The following PRL variants were observed in gnomAD, a reference collection of about 807,000 sequenced individuals.
PRL encodes prolactin.
In PRL, 24 loss-of-function variants were observed where a neutral mutation model predicts 21.3. The observed-to-expected ratio is 1.13, with a 90% CI of 0.82 to 1.59. The LOEUF (loss-of-function observed/expected upper bound fraction) is 1.59, where lower values mean the gene tolerates loss of function less well. Among genes scored for constraint, PRL ranks in the 40% most tolerant of loss-of-function variants. The pLI, the probability that PRL is intolerant of heterozygous loss-of-function variation, is 0.00. For missense variants in PRL, 243 were observed against 286.9 expected (o/e 0.85, Z 1.10); for synonymous variants, 118 against 115.7 (o/e 1.02, Z -0.13).
upstream of PRL, chr6:22,297,606 T>C (rs905581302): frequency 6.6e-6 from 1 of 152,482 alleles, no homozygotes; most frequent in Non-Finnish European, 1.5e-5. Flanking sequence ...CATTTTGTTT[T>C]GTCTTTTTAA....
upstream of PRL, among the ~76,000 whole-genome samples, chr6:22,299,061 A>G (rs914534112): frequency 6.6e-6 from 1 of 152,224 alleles, no homozygotes; most frequent in Non-Finnish European, 1.5e-5. Context: ...AAAGACATAT[A>G]TTATGCAAAA....
intron 2 of PRL, 102 bp from the exon 3 acceptor site, chr6:22,292,747 A>T (rs1205955): frequency 0.74 from 681,172 of 916,938 alleles, 253,963 homozygotes; most frequent in East Asian, 0.92. Flanking sequence ...GTGTAATTTT[A>T]AAAAATTAGA....
intron 3 of PRL, among the ~76,000 whole-genome samples, chr6:22,291,323 A>AT (rs536175264): frequency 1.1e-4 from 16 of 152,230 alleles, no homozygotes; most frequent in Non-Finnish European, 2.1e-4. Flanking sequence ...TTTGAATAGA[A>AT]TGAAGCCCAG....
intron 1 of PRL, among the ~76,000 whole-genome samples, chr6:22,295,421 G>A (rs1233999227): frequency 3.3e-5 from 5 of 152,172 alleles, no homozygotes; most frequent in African/African-American, 1.2e-4. Context: ...CTGCATCTGT[G>A]TAATGGGGGC....
Position 22,288,915 on chromosome 6 carries a change from T to C in PRL, c.492+1259A>G, listed in dbSNP as rs1019178125. On this transcript the variant is annotated intron_variant, in intron 4 of 4. Transcript: ENST00000306482. The surrounding 1 kb of genome is among the most constrained non-coding windows in gnomAD (Gnocchi z 4.5). ...GTGTGCGTGTGTGCGCGCGCGTGTG[T>C]GTGCGTGCGCGTGTGTGTGCATGTG... Among the ~76,000 whole-genome samples, 1 of 150,262 alleles carries C rather than the reference T, an allele frequency of 6.7e-6. No individual in the cohort carries two copies. The highest frequency in any genetic ancestry group is 2.5e-5 in the African/African-American group (1 of 40,624).
At chr6:22,291,693 CATA>C (rs1182617042) in intron 3 of PRL, among the ~76,000 whole-genome samples, 1 of 152,068 alleles carries the variant, frequency 6.6e-6, no homozygotes, top group Admixed American at 6.6e-5. Context: ...CTCTTATTAT[CATA>C]ATTATTATTA....
rs926550772 is a variant in PRL at position 22,288,877 on chromosome 6, C to T, written c.493-1284G>A. 6.6e-6 allele frequency among the ~76,000 whole-genome samples: 1 copy of T among 151,264 alleles called. No individual in the cohort carries two copies. Among genetic ancestry groups the T allele is most frequent in the African/African-American group, 2.4e-5 (1 of 41,078 alleles). ...AATTTAAAGTGTGTGTGTGTGTATG[C>T]GCGTGCGCGTGTGTGTGCGTGTGTG... On this transcript the variant is annotated intron_variant, in intron 4 of 4. Transcript: ENST00000306482. This position sits in a 1 kb window ranked among gnomAD's most constrained non-coding sequence, Gnocchi z 4.5.
intron 4 of PRL, among the ~76,000 whole-genome samples, chr6:22,289,960 T>C (rs1761010400): frequency 6.6e-6 from 1 of 152,112 alleles, no homozygotes; most frequent in African/African-American, 2.4e-5. Context: ...TGCGTGTAGG[T>C]GTAGGGAAAA....
rs976253974 is a variant in PRL at position 22,288,037 on chromosome 6, A to G, written c.493-444T>C. ...CTGCTTTGAACTCAATCTATTGCCT[A>G]TCTAGTGTATGTTCCAAAAACTTTA... On this transcript the variant is annotated intron_variant, in intron 4 of 4. Coordinates refer to ENST00000306482, the MANE Select transcript of PRL (RefSeq NM_000948.6). This position sits in a 1 kb window ranked among gnomAD's most constrained non-coding sequence, Gnocchi z 4.5. Among the ~76,000 whole-genome samples, 1 of 152,126 alleles carries G rather than the reference A, an allele frequency of 6.6e-6. No individual in the cohort carries two copies. Among genetic ancestry groups the G allele is most frequent in the African/African-American group, 2.4e-5 (1 of 41,420 alleles).
In PRL at chr6:22,288,859, AGTGTGTGTGTGTGTATGCGCGTGCGC is replaced by A. The variant is rs1430908307; in HGVS notation, c.492+1289_493-1267del. ...TCTGGGATTCCCTATTGGAATTTAAAGTGTGTGTGTGTGTATGCGCGTGCGCGTGTGTGTGCGTGTGTGCGCGCGCG... is the reference window on the plus strand; with the variant it reads ...TCTGGGATTCCCTATTGGAATTTAAAGTGTGTGTGCGTGTGTGCGCGCGCG... On this transcript the variant is annotated intron_variant, in intron 4 of 4. Transcript: ENST00000306482. This position sits in a 1 kb window ranked among gnomAD's most constrained non-coding sequence, Gnocchi z 4.5. 6.6e-6 allele frequency among the ~76,000 whole-genome samples: 1 copy of A among 151,400 alleles called. No individual in the cohort carries two copies. Among genetic ancestry groups the A allele is most frequent in the African/African-American group, 2.4e-5 (1 of 41,154 alleles).
upstream of PRL, among the ~76,000 whole-genome samples, chr6:22,301,211 A>G (rs914670545): frequency 7.9e-5 from 12 of 152,222 alleles, no homozygotes; most frequent in Admixed American, 5.2e-4. Context: ...TGGTCTATCT[A>G]TCTACTTATC....
chr6:22,296,911 G>A, intron 1 of PRL, 44 bp downstream of exon 1: 1 of 1,596,176 alleles, frequency 6.3e-7, no homozygotes, highest in Non-Finnish European at 8.6e-7. Context: ...TCCCCCCACA[G>A]GAGTGTTGAT....
chr6:22,290,449 C>A (rs1761028867), intron 3 of PRL, 96 bp from the exon 4 acceptor site: 3 of 1,022,326 alleles, frequency 2.9e-6, no homozygotes, highest in Non-Finnish European at 3.9e-6. Context: ...ACTGAAATAT[C>A]TTTTTTTATT....
chr6:22,290,445 A>G, intron 3 of PRL, 92 bp from the exon 4 acceptor site: 1 of 1,093,766 alleles, frequency 9.1e-7, no homozygotes, highest in Non-Finnish European at 1.2e-6. Context: ...CTGTACTGAA[A>G]TATCTTTTTT....
Position 22,288,604 on chromosome 6 carries a change from G to T in PRL, c.493-1011C>A, listed in dbSNP as rs947483195. Among the ~76,000 whole-genome samples, 2 of 151,982 alleles carry T rather than the reference G, an allele frequency of 1.3e-5. No homozygotes were observed. Among genetic ancestry groups the T allele is most frequent in the African/African-American group, 4.8e-5 (2 of 41,396 alleles). ...TGAGGGCTGTGTGGTAGGGTTGGGG[G>T]CATGGCTGTGATAACAAAAGGAGGC... On this transcript the variant is annotated intron_variant, in intron 4 of 4. Transcript: ENST00000306482. This position sits in a 1 kb window ranked among gnomAD's most constrained non-coding sequence, Gnocchi z 4.5.
chr6:22,299,993 T>C (rs1472728875), upstream of PRL, among the ~76,000 whole-genome samples: 1 of 152,184 alleles, frequency 6.6e-6, no homozygotes, highest in Non-Finnish European at 1.5e-5. Flanking sequence ...TAGTGAATTG[T>C]CTTAAATAAA....
chr6:22,297,375 A>G (rs949367232), upstream of PRL: 5 of 184,514 alleles, frequency 2.7e-5, no homozygotes, highest in Admixed American at 5.6e-5. Flanking sequence ...TTTGTTGAAT[A>G]TATAGGATTA....
upstream of PRL, among the ~76,000 whole-genome samples, chr6:22,298,619 A>C (rs759872478): frequency 6.6e-6 from 1 of 152,186 alleles, no homozygotes; most frequent in African/African-American, 2.4e-5. Flanking sequence ...TGAATCATAA[A>C]CATCAAATGT....
At chr6:22,297,050 C>A (rs1761194915), upstream of PRL, 1 of 1,545,628 alleles carries the variant, frequency 6.5e-7, no homozygotes, top group African/African-American at 1.4e-5. Context: ...TTTCTCTTTC[C>A]CAGATATTGG....
Sources: gnomAD v4.1 joint callset for allele counts (sites outside exome capture counted in the v4.1 genomes callset) on GRCh38, gnomAD v4.1.1 for gene constraint, Gnocchi (gnomAD v3.1) non-coding constraint, MANE v1.5 for transcripts, NCBI Gene and HGNC (gene_info 2026-07-23, HGNC 2026-07-21) for gene names.